Variants in FGF13 observed in about 807,000 individuals in gnomAD.
FGF13 encodes the protein fibroblast growth factor homologous factor 2.
In FGF13, 2 loss-of-function variants were observed where a neutral mutation model predicts 19.5. That is an observed-to-expected ratio of 0.10 (90% CI 0.04 to 0.32). The LOEUF is 0.32. Ranked by LOEUF, FGF13 falls within the 10% of genes least tolerant of loss-of-function variation. FGF13 has a pLI of 1.00. For missense variants in FGF13, 113 were observed against 192.7 expected, an observed-to-expected ratio of 0.59 and a Z score of 2.45; for synonymous variants, 72 against 76.9, an observed-to-expected ratio of 0.94 and a Z score of 0.33.
At chrX:138,862,271 T>C (rs2091292512) in intron 2 of FGF13, among the ~76,000 whole-genome samples, 1 of 111,642 alleles carries the variant, frequency 9.0e-6, no homozygotes, top group Non-Finnish European at 1.9e-5. Context: ...AGCCCTCAAT[T>C]ATTTGATGAT....
chrX:138,990,864 G>A (rs1044269050), intron 1 of FGF13, among the ~76,000 whole-genome samples: 27 of 112,137 alleles, frequency 2.4e-4, no homozygotes, highest in Non-Finnish European at 4.5e-4. Flanking sequence ...AACTCTGTAG[G>A]CACATGTAGA....
In FGF13 at chrX:138,978,266, G is replaced by GTTTTTTTTTTTTTTTTTTT. The variant is rs10666140; in HGVS notation, c.-112-113617_-112-113616insAAAAAAAAAAAAAAAAAAA. ...TAATCTCTATGGGCTAGCTGCCCTG[G>GTTTTTTTTTTTTTTTTTTT]TTTTTTTTTTTTTTGAGATGGAGTC... On this transcript the variant is annotated intron_variant, in intron 1 of 2. Transcript: ENST00000421460. Among the ~76,000 whole-genome samples the GTTTTTTTTTTTTTTTTTTT allele has an allele frequency of 2.8e-4, 23 of 82,891 alleles. 1 individual carries two copies. Among genetic ancestry groups the GTTTTTTTTTTTTTTTTTTT allele is most frequent in the East Asian group, 2.1e-3 (5 of 2,421 alleles). 72.0% of individuals were successfully genotyped at this position (82,891 alleles called of 115,157 possible).
intron 1 of FGF13, among the ~76,000 whole-genome samples, chrX:139,121,254 G>C (rs1301656281): frequency 1.8e-5 from 2 of 111,923 alleles, no homozygotes; most frequent in African/African-American, 3.2e-5. Context: ...CTTGAGACCT[G>C]TATCTCCACA....
At chrX:139,203,509 G>GT (rs1274088100) in exon 1 of FGF13, 1 of 86,602 alleles carries the variant, frequency 1.2e-5, no homozygotes, top group African/African-American at 5.2e-5. Flanking sequence ...TCGGGTGGCG[G>GT]GGGGGGGGAA....
intron 1 of FGF13, among the ~76,000 whole-genome samples, chrX:139,071,248 G>A (rs745835293): frequency 9.0e-6 from 1 of 111,532 alleles, no homozygotes; most frequent in Non-Finnish European, 1.9e-5. Context: ...TATTTACCGT[G>A]TTGTCTCTAC....
chrX:139,088,570 G>A (rs1449383688), intron 1 of FGF13, among the ~76,000 whole-genome samples: 1 of 107,102 alleles, frequency 9.3e-6, no homozygotes, highest in Non-Finnish European at 1.9e-5. Flanking sequence ...CAAAACAAAT[G>A]ATCATTGACA....
At chrX:139,153,911 A>T (rs1355450850) in intron 1 of FGF13, among the ~76,000 whole-genome samples, 2 of 111,177 alleles carry the variant, frequency 1.8e-5, no homozygotes, top group Non-Finnish European at 3.8e-5. Context: ...AAAGATTGTT[A>T]GCAACCAGCA....
intron 1 of FGF13, among the ~76,000 whole-genome samples, chrX:138,959,521 T>C (rs1399479887): frequency 8.9e-6 from 1 of 111,879 alleles, no homozygotes. Flanking sequence ...GAGAGTTCTA[T>C]AGCTGTCTAT....
chrX:138,769,540 T>A (rs2090529819), intron 3 of FGF13, among the ~76,000 whole-genome samples: 1 of 112,028 alleles, frequency 8.9e-6, no homozygotes, highest in African/African-American at 3.2e-5. Flanking sequence ...ATGACCATCA[T>A]GGAAAATCAG....
At chrX:138,928,399 G>A (rs2124254275) in intron 1 of FGF13, among the ~76,000 whole-genome samples, 1 of 110,647 alleles carries the variant, frequency 9.0e-6, no homozygotes, top group Non-Finnish European at 1.9e-5. Context: ...AAGAAAAAGG[G>A]CATGTATATT....
chrX:138,634,107 T>C (rs1251179602), intron 4 of FGF13, among the ~76,000 whole-genome samples: 3 of 112,367 alleles, frequency 2.7e-5, no homozygotes, highest in Non-Finnish European at 5.6e-5. Context: ...ATGGGAAAAC[T>C]ATAAGCAAAA....
chrX:138,968,562 C>T (rs2091903817), intron 1 of FGF13, among the ~76,000 whole-genome samples: 2 of 112,052 alleles, frequency 1.8e-5, no homozygotes, highest in Admixed American at 1.9e-4. Context: ...TACAACAGTG[C>T]CAAGTACTGT....
At chrX:138,829,640 C>T (rs2091057868) in intron 3 of FGF13, among the ~76,000 whole-genome samples, 1 of 112,092 alleles carries the variant, frequency 8.9e-6, no homozygotes, top group Non-Finnish European at 1.9e-5. Flanking sequence ...TTTTTTGACT[C>T]AGCAAGAAGG....
chrX:138,857,433 G>T, downstream of FGF13: 1 of 1,010,556 alleles, frequency 9.9e-7, no homozygotes, highest in Non-Finnish European at 1.4e-6. Context: ...ACACCAGAGG[G>T]CAATGCACAA....
chrX:138,950,318 A>G (rs188036400), intron 1 of FGF13, among the ~76,000 whole-genome samples: 163 of 112,394 alleles, frequency 1.5e-3, no homozygotes, highest in Non-Finnish European at 2.5e-3. Flanking sequence ...TTGAAATTGG[A>G]TATCTCACTT....
chrX:139,096,470 G>A (rs1242860877), intron 1 of FGF13, among the ~76,000 whole-genome samples: 3 of 111,893 alleles, frequency 2.7e-5, no homozygotes, highest in Admixed American at 9.5e-5. Flanking sequence ...GTTTTGTGTG[G>A]CTGGAACTCA....
At chrX:138,860,905 G>A (rs1293136727) in intron 2 of FGF13, among the ~76,000 whole-genome samples, 2 of 112,077 alleles carry the variant, frequency 1.8e-5, no homozygotes, top group African/African-American at 3.2e-5. Flanking sequence ...TCAGGACTCC[G>A]AAGTCTCACA....
At chrX:138,760,420 T>C (rs1462443806) in intron 3 of FGF13, among the ~76,000 whole-genome samples, 2 of 111,455 alleles carry the variant, frequency 1.8e-5, no homozygotes, top group Non-Finnish European at 3.8e-5. Flanking sequence ...TGTTCATTCC[T>C]AGGGAAAAAG....
chrX:138,816,734 T>G (rs1456047880), intron 3 of FGF13, among the ~76,000 whole-genome samples: 3 of 112,484 alleles, frequency 2.7e-5, no homozygotes, highest in Non-Finnish European at 3.8e-5. Flanking sequence ...TTCATAAACT[T>G]TCTTAAAACA....
Sources: allele counts gnomAD v4.1 joint callset (sites outside exome capture counted in the v4.1 genomes callset), GRCh38; gene constraint gnomAD v4.1.1; transcripts MANE v1.5; gene names NCBI Gene and HGNC (gene_info 2026-07-23, HGNC 2026-07-21).